The following BRAF variants were observed in gnomAD, a reference collection of about 807,000 sequenced individuals.
BRAF encodes serine/threonine-protein kinase B-raf.
A neutral mutation model predicts 104.6 loss-of-function variants in BRAF; 16 were observed. The observed-to-expected ratio is 0.15, with a 90% CI of 0.10 to 0.23. BRAF has a LOEUF of 0.23. Among genes scored for constraint, BRAF ranks in the 10% least tolerant of loss-of-function variants. The probability of loss-of-function intolerance (pLI) is 1.00; values close to 1 mark genes in which losing one functional copy is unlikely to be tolerated. For missense variants in BRAF, 541 were observed against 937.3 expected (o/e 0.58, Z 5.52); for synonymous variants, 310 against 341.6 (o/e 0.91, Z 1.02).
intron 1 of BRAF, among the ~76,000 whole-genome samples, chr7:140,868,965 A>C (rs1423676870): frequency 6.6e-6 from 1 of 152,186 alleles, no homozygotes; most frequent in East Asian, 1.9e-4. Flanking sequence ...ATTTGCTGGT[A>C]AATTGGATGT....
At chr7:140,836,709 T>C (rs1335385465) in intron 2 of BRAF, among the ~76,000 whole-genome samples, 2 of 152,206 alleles carry the variant, frequency 1.3e-5, no homozygotes, top group Non-Finnish European at 2.9e-5. Flanking sequence ...ATAAAATTTA[T>C]TTATTGAGCC....
At chr7:140,766,436 TAATAATAA>T (rs1799327853) in intron 14 of BRAF, among the ~76,000 whole-genome samples, 1 of 123,676 alleles carries the variant, frequency 8.1e-6, no homozygotes, top group South Asian at 3.2e-4. Context: ...ACTGAAAGTA[TAATAATAA>T]AAAAAACAAA....
At chr7:140,797,044 C>T (rs1408802326) in intron 7 of BRAF, among the ~76,000 whole-genome samples, 2 of 152,106 alleles carry the variant, frequency 1.3e-5, no homozygotes, top group Non-Finnish European at 2.9e-5. Context: ...AATTTTTCCA[C>T]TAACCAAGGT....
At chr7:140,738,153 T>A (rs1796597537) in intron 18 of BRAF, among the ~76,000 whole-genome samples, 1 of 152,052 alleles carries the variant, frequency 6.6e-6, no homozygotes, top group Non-Finnish European at 1.5e-5. Context: ...AAAGAAAAAA[T>A]AAAAACTCTT....
intron 18 of BRAF, among the ~76,000 whole-genome samples, chr7:140,738,751 G>A (rs1434496919): frequency 2.0e-5 from 3 of 152,000 alleles, no homozygotes; most frequent in African/African-American, 7.3e-5. Flanking sequence ...TGAGTGGCTG[G>A]GATTACAGGC....
At chr7:140,783,199 A>G (rs1443846157) in intron 10 of BRAF, 42 bp from the exon 10 acceptor site, 1 of 1,608,762 alleles carries the variant, frequency 6.2e-7, no homozygotes, top group African/African-American at 1.3e-5. Flanking sequence ...AAGGAGGAGC[A>G]AGTATGTTAA....
Position 140,808,921 on chromosome 7 carries a change from C to T in BRAF, c.579G>A (p.Glu193=), listed in dbSNP as rs142723570. The T allele has an allele frequency of 6.2e-7, 1 of 1,612,460 alleles. No individual in the cohort carries two copies. Among genetic ancestry groups the T allele is most frequent in the Non-Finnish European group, 8.5e-7 (1 of 1,179,632 alleles). The change falls in exon 4 of 20, where the codon GAG becomes GAA. Residue 193 remains glutamate, a synonymous_variant. Coordinates refer to ENST00000644969, the MANE Select transcript of BRAF (RefSeq NM_001374258.1). ...CCTGAATTCTGTAAACAGCACAGCA[C>T]TCTGGGATTAGACCTCTCATCATCA... ...KALMMRGLIP[E]CCAVYRIQDG... is the part of the protein sequence containing the mutation.
At chr7:140,737,486 T>C (rs1283561792) in intron 18 of BRAF, among the ~76,000 whole-genome samples, 1 of 152,254 alleles carries the variant, frequency 6.6e-6, no homozygotes, top group Non-Finnish European at 1.5e-5. Context: ...CACCTGTTCA[T>C]ATTCCCTTTG....
chr7:140,921,468 T>C (rs1818215176), intron 1 of BRAF, among the ~76,000 whole-genome samples: 1 of 152,134 alleles, frequency 6.6e-6, no homozygotes, highest in Admixed American at 6.5e-5. Flanking sequence ...ATCTACATCC[T>C]ATGTTCAAGA....
downstream of BRAF, among the ~76,000 whole-genome samples, chr7:140,716,978 G>A (rs1352643544): frequency 6.6e-6 from 1 of 152,156 alleles, no homozygotes; most frequent in Non-Finnish European, 1.5e-5. Flanking sequence ...GTGGCGTGTG[G>A]ACCTGCCTCA....
At chr7:140,751,229 T>A (rs576362768) in intron 16 of BRAF, among the ~76,000 whole-genome samples, 1 of 152,348 alleles carries the variant, frequency 6.6e-6, no homozygotes, top group East Asian at 1.9e-4. Context: ...ACAAACTGTA[T>A]AAACTAAGGT....
intron 14 of BRAF, among the ~76,000 whole-genome samples, chr7:140,755,538 G>A (rs1216996082): frequency 6.6e-6 from 1 of 152,034 alleles, no homozygotes; most frequent in East Asian, 1.9e-4. Flanking sequence ...TTTATCTAAA[G>A]TAATCCCTTC....
In BRAF at chr7:140,721,197, G is replaced by C; in HGVS notation, c.*5297C>G. On this transcript the variant is annotated 3_prime_UTR_variant, in exon 20 of 20. Transcript: ENST00000644969. ...AAATAAATGTCAACATTTTAATAAA[G>C]CTGATTTAGTAATTAATAAAACTTA... 1 of 1,072,674 alleles carries C rather than the reference G, an allele frequency of 9.3e-7. No homozygotes were observed. The highest frequency in any genetic ancestry group is 1.1e-6 in the Non-Finnish European group (1 of 883,918). The allele number at this position is 1,072,674 out of a possible 1,614,324, so 66.4% of individuals were successfully genotyped here.
intron 2 of BRAF, among the ~76,000 whole-genome samples, chr7:140,840,810 G>C (rs1214153020): frequency 2.0e-5 from 3 of 150,154 alleles, no homozygotes; most frequent in African/African-American, 7.3e-5. Context: ...CGCCTCCCAG[G>C]CTCAAGCGAT....
At chr7:140,839,299 C>CAT in intron 2 of BRAF, among the ~76,000 whole-genome samples, 1 of 152,104 alleles carries the variant, frequency 6.6e-6, no homozygotes, top group Non-Finnish European at 1.5e-5. Context: ...ACATAGACTC[C>CAT]ATCTTTACAA....
At chr7:140,731,910 G>C (rs952419816) in intron 19 of BRAF, 2 of 151,832 alleles carry the variant, frequency 1.3e-5, no homozygotes, top group Admixed American at 6.6e-5. Flanking sequence ...GGTGGCTCAC[G>C]CCTGTAATCC....
At chr7:140,827,764 T>C (rs1216755281) in intron 3 of BRAF, among the ~76,000 whole-genome samples, 2 of 152,174 alleles carry the variant, frequency 1.3e-5, no homozygotes, top group Non-Finnish European at 2.9e-5. Context: ...GAACCAGAGG[T>C]TCTGTAGATT....
chr7:140,814,756 C>CATAT (rs201502228), intron 3 of BRAF, among the ~76,000 whole-genome samples: 1 of 138,492 alleles, frequency 7.2e-6, no homozygotes, highest in Non-Finnish European at 1.5e-5. Context: ...CAATATATAA[C>CATAT]ATATATATTA....
intron 10 of BRAF, among the ~76,000 whole-genome samples, chr7:140,783,660 T>G (rs1040229274): frequency 1.3e-5 from 2 of 152,234 alleles, no homozygotes; most frequent in Admixed American, 6.5e-5. Context: ...GACTTATTCA[T>G]ATTAATCACT....
Sources: allele counts gnomAD v4.1 joint callset (sites outside exome capture counted in the v4.1 genomes callset), GRCh38; gene constraint gnomAD v4.1.1; transcripts MANE v1.5; gene names NCBI Gene and HGNC (gene_info 2026-07-23, HGNC 2026-07-21).